PTK2B: variants seen among roughly 807,000 people sequenced by gnomAD.
The protein encoded by PTK2B is protein tyrosine kinase 2 beta.
A neutral mutation model predicts 142.9 loss-of-function variants in PTK2B; 71 were observed. The observed-to-expected ratio is 0.50, with a 90% CI of 0.41 to 0.61. PTK2B has a LOEUF of 0.61. Ranked by LOEUF, PTK2B falls within the 20% of genes least tolerant of loss-of-function variation. PTK2B has a pLI of 0.00. For missense variants in PTK2B, 1,105 were observed against 1,320.4 expected (o/e 0.84, Z 2.53); for synonymous variants, 519 against 503.4 (o/e 1.03, Z -0.42).
intron 1 of PTK2B, among the ~76,000 whole-genome samples, chr8:27,368,819 ACT>A (rs2130885581): frequency 6.6e-6 from 1 of 152,008 alleles, no homozygotes; most frequent in East Asian, 1.9e-4. Context: ...GCAGGGCCAC[ACT>A]CTGCTCTGTC....
intron 1 of PTK2B, among the ~76,000 whole-genome samples, chr8:27,368,533 C>T (rs1301665599): frequency 6.6e-6 from 1 of 152,186 alleles, no homozygotes; most frequent in Non-Finnish European, 1.5e-5. Flanking sequence ...TAGTCTTGGC[C>T]CTATTGCAAT....
At chr8:27,349,579 C>T (rs1804924410) in intron 1 of PTK2B, among the ~76,000 whole-genome samples, 2 of 152,224 alleles carry the variant, frequency 1.3e-5, no homozygotes, top group African/African-American at 4.8e-5. Context: ...GGGCCCCACC[C>T]CCAACAGCCC....
At chr8:27,383,626 CTCTCT>C (rs2131162302) in intron 1 of PTK2B, among the ~76,000 whole-genome samples, 1 of 152,136 alleles carries the variant, frequency 6.6e-6, no homozygotes, top group East Asian at 1.9e-4. Flanking sequence ...AAAAAATATC[CTCTCT>C]TATTAAAATT....
chr8:27,443,775 C>T (rs1811302228), intron 22 of PTK2B, among the ~76,000 whole-genome samples: 1 of 152,200 alleles, frequency 6.6e-6, no homozygotes, highest in South Asian at 2.1e-4. Flanking sequence ...AAGGCCTTTT[C>T]TCACTTGTCC....
chr8:27,395,078 A>G (rs890943918), intron 1 of PTK2B, among the ~76,000 whole-genome samples: 1 of 151,276 alleles, frequency 6.6e-6, no homozygotes, highest in African/African-American at 2.4e-5. Context: ...TTTTTTTTTT[A>G]TAAGTAGAAG....
intron 2 of PTK2B, among the ~76,000 whole-genome samples, chr8:27,414,820 T>G (rs1809300261): frequency 6.6e-6 from 1 of 152,016 alleles, no homozygotes; most frequent in South Asian, 2.1e-4. Context: ...TCACTCCCCC[T>G]GTTTGGTTCT....
At chr8:27,434,451 T>G in intron 12 of PTK2B, 62 bp from the exon 13 acceptor site, 1 of 1,535,516 alleles carries the variant, frequency 6.5e-7, no homozygotes, top group Middle Eastern at 1.8e-4. Flanking sequence ...GGGCCGAGGC[T>G]GCCCAGGGGA....
intron 8 of PTK2B, 142 bp from the exon 9 acceptor site, chr8:27,431,256 C>G: frequency 1.3e-6 from 2 of 1,531,616 alleles, no homozygotes; most frequent in Non-Finnish European, 1.8e-6. Flanking sequence ...AGGGGAAGAT[C>G]CATATGGCCA....
chr8:27,446,056 G>T, intron 24 of PTK2B, 137 bp downstream of exon 24: 1 of 1,309,640 alleles, frequency 7.6e-7, no homozygotes, highest in Non-Finnish European at 1.0e-6. Flanking sequence ...GGCCACTGAG[G>T]TGGCACTCTG....
chr8:27,355,432 G>A (rs998384247), intron 1 of PTK2B, among the ~76,000 whole-genome samples: 1 of 152,162 alleles, frequency 6.6e-6, no homozygotes, highest in East Asian at 1.9e-4. Context: ...CTAGGAGCTG[G>A]AAAAGACAAG....
chr8:27,407,436 G>T (rs1808789048), intron 2 of PTK2B, among the ~76,000 whole-genome samples: 1 of 152,180 alleles, frequency 6.6e-6, no homozygotes, highest in Non-Finnish European at 1.5e-5. Flanking sequence ...GGCATGGCCG[G>T]ATCAGCCGTG....
chr8:27,418,110 A>G (rs1203649057), intron 2 of PTK2B, among the ~76,000 whole-genome samples: 2 of 152,312 alleles, frequency 1.3e-5, no homozygotes, highest in East Asian at 3.9e-4. Context: ...TGGTTGTTAC[A>G]ACTGCTCACA....
chr8:27,322,017 T>C (rs1803228987), upstream of PTK2B, among the ~76,000 whole-genome samples: 1 of 151,896 alleles, frequency 6.6e-6, no homozygotes, highest in African/African-American at 2.4e-5. Context: ...TTAAATGGAC[T>C]ATCACTCTGT....
chr8:27,397,780 G>A lies in PTK2B; in HGVS notation c.196G>A (p.Glu66Lys), dbSNP rs773660803. 7 of 1,613,976 alleles carry A rather than the reference G, an allele frequency of 4.3e-6. No individual in the cohort carries two copies. Among genetic ancestry groups the A allele is most frequent in the South Asian group, 1.1e-5 (1 of 91,078 alleles). ...ACTGGTCAAATGCACTGTCCAGACGGAGATCCGGGTAAGTGTGAAGTGTCT... is the reference window on the plus strand; with the variant it reads ...ACTGGTCAAATGCACTGTCCAGACGAAGATCCGGGTAAGTGTGAAGTGTCT... ...FKLVKCTVQTEIREIITSILL... is the reference protein window; with the variant it reads ...FKLVKCTVQTKIREIITSILL... The change falls in exon 2 of 31, where the codon GAG becomes AAG. Residue 66 changes from glutamate (E) to lysine (K), a missense_variant. Physicochemically the swap from Glu to Lys is moderately conservative, Grantham distance 56 (BLOSUM62 1). Transcript: ENST00000346049.
intron 30 of PTK2B, among the ~76,000 whole-genome samples, chr8:27,456,120 C>G (rs1812126110): frequency 6.6e-6 from 1 of 152,262 alleles, no homozygotes; most frequent in Non-Finnish European, 1.5e-5. Context: ...TTCATTCATT[C>G]ATTCATTCAT....
At chr8:27,327,080 C>A (rs1233966302) in intron 1 of PTK2B, among the ~76,000 whole-genome samples, 1 of 152,068 alleles carries the variant, frequency 6.6e-6, no homozygotes, top group Non-Finnish European at 1.5e-5. Flanking sequence ...TAGAAATTAG[C>A]ACAAGAGAAG....
At chr8:27,377,138 A>G (rs575326023) in intron 1 of PTK2B, among the ~76,000 whole-genome samples, 53 of 152,320 alleles carry the variant, frequency 3.5e-4, no homozygotes, top group Non-Finnish European at 5.9e-4. Context: ...CTCCTTTAAC[A>G]TATCCTAGGA....
At chr8:27,374,689 A>G (rs894631679) in intron 1 of PTK2B, among the ~76,000 whole-genome samples, 2 of 152,014 alleles carry the variant, frequency 1.3e-5, no homozygotes, top group Non-Finnish European at 2.9e-5. Context: ...TGGGCTCTGG[A>G]TGGGTTGGTT....
intron 21 of PTK2B, among the ~76,000 whole-genome samples, chr8:27,440,829 G>A (rs1294779922): frequency 1.3e-5 from 2 of 152,200 alleles, no homozygotes; most frequent in Non-Finnish European, 2.9e-5. Flanking sequence ...GCAAGGAAGG[G>A]AGTGATCTTT....
Sources: gnomAD v4.1 joint callset for allele counts (sites outside exome capture counted in the v4.1 genomes callset) on GRCh38, gnomAD v4.1.1 for gene constraint, MANE v1.5 for transcripts, NCBI Gene and HGNC (gene_info 2026-07-23, HGNC 2026-07-21) for gene names.